The following CTNNA3 variants were observed in gnomAD, a reference collection of about 807,000 sequenced individuals.
CTNNA3 encodes the protein catenin alpha 3.
Under a neutral mutation model 95.7 loss-of-function variants are expected in CTNNA3, and 76 were observed. The observed-to-expected ratio is 0.79, with a 90% CI of 0.66 to 0.96. The LOEUF (loss-of-function observed/expected upper bound fraction) is 0.96. CTNNA3 is among the 40% of genes least tolerant of loss of function. The pLI is 0.00. For missense variants in CTNNA3, 1,191 were observed against 1,089.8 expected (o/e 1.09, Z -1.31); for synonymous variants, 431 against 374.4 (o/e 1.15, Z -1.74).
At position 67,602,333 on chromosome 10, in the gene CTNNA3, T is replaced by G. The variant is rs139183185; in HGVS notation, c.292+4524A>C. Among the ~76,000 whole-genome samples the G allele has an allele frequency of 3.1e-3, 472 of 152,334 alleles. 2 individuals are homozygous for G. Among genetic ancestry groups the G allele is most frequent in the Non-Finnish European group, 4.2e-3 (283 of 68,034 alleles). On this transcript the variant is annotated intron_variant, in intron 3 of 17. Coordinates refer to ENST00000433211, the MANE Select transcript of CTNNA3 (RefSeq NM_013266.4). ...ATTCCTTCCAAGCTTTTGGGAACAG[T>G]GCTTTCACTGTCACTATCCCTACTA...
intron 11 of CTNNA3, among the ~76,000 whole-genome samples, chr10:66,519,371 T>C (rs952597315): frequency 2.6e-5 from 4 of 152,196 alleles, no homozygotes; most frequent in African/African-American, 9.6e-5. Context: ...TGTTTAATTC[T>C]TTAGATTAGC....
intron 5 of CTNNA3, among the ~76,000 whole-genome samples, chr10:67,344,729 C>T (rs574947453): frequency 1.1e-3 from 163 of 151,846 alleles, no homozygotes; most frequent in Middle Eastern, 6.8e-3. Context: ...TTATTTGGAT[C>T]TTCTCTCCTT....
intron 12 of CTNNA3, among the ~76,000 whole-genome samples, chr10:66,339,563 G>A (rs1000515304): frequency 6.6e-6 from 1 of 151,696 alleles, no homozygotes; most frequent in Non-Finnish European, 1.5e-5. Flanking sequence ...GATTTTAAAA[G>A]CTCAGCCAGG....
chr10:67,403,708 C>T (rs991918378), intron 5 of CTNNA3, among the ~76,000 whole-genome samples: 42 of 152,258 alleles, frequency 2.8e-4, no homozygotes, highest in Admixed American at 1.3e-4. Context: ...TCTACAAAAA[C>T]GCAGGAAGGC....
intron 9 of CTNNA3, among the ~76,000 whole-genome samples, chr10:66,685,207 GTATA>G (rs33983880): frequency 1.7e-5 from 1 of 59,466 alleles, no homozygotes; most frequent in African/African-American, 1.3e-4. Flanking sequence ...ATATATATAC[GTATA>G]TATATGTGTA....
At chr10:67,113,278 T>C (rs1199246276) in intron 7 of CTNNA3, among the ~76,000 whole-genome samples, 1 of 152,192 alleles carries the variant, frequency 6.6e-6, no homozygotes, top group Admixed American at 6.5e-5. Flanking sequence ...ATCTTAACTT[T>C]AGGATGCTAA....
At chr10:66,015,174 G>A (rs1344037527) in intron 15 of CTNNA3, among the ~76,000 whole-genome samples, 1 of 151,884 alleles carries the variant, frequency 6.6e-6, no homozygotes, top group Non-Finnish European at 1.5e-5. Flanking sequence ...CTTTATTGGA[G>A]TTCAAAATGA....
intron 5 of CTNNA3, among the ~76,000 whole-genome samples, chr10:67,267,994 T>C: frequency 6.6e-6 from 1 of 152,128 alleles, no homozygotes; most frequent in Non-Finnish European, 1.5e-5. Context: ...GTTAAGCACA[T>C]AATAATTTGA....
chr10:66,965,009 C>T (rs1055095897), intron 7 of CTNNA3, among the ~76,000 whole-genome samples: 6 of 152,310 alleles, frequency 3.9e-5, no homozygotes, highest in African/African-American at 7.2e-5. Flanking sequence ...AAGATTGCCA[C>T]GTTCCACTCT....
At chr10:66,901,091 T>C (rs1447394562) in intron 7 of CTNNA3, among the ~76,000 whole-genome samples, 1 of 151,862 alleles carries the variant, frequency 6.6e-6, no homozygotes, top group African/African-American at 2.4e-5. Context: ...TTCACCAAGG[T>C]TGAAATAAAA....
intron 3 of CTNNA3, among the ~76,000 whole-genome samples, chr10:67,540,402 T>C (rs1178396912): frequency 2.0e-5 from 3 of 151,990 alleles, no homozygotes; most frequent in Admixed American, 2.0e-4. Flanking sequence ...TTCTTTTTAT[T>C]ATAAAAGTAC....
At position 66,782,210 on chromosome 10, in the gene CTNNA3, A is replaced by T. The variant is rs562677937; in HGVS notation, c.1048-6686T>A. On this transcript the variant is annotated intron_variant, in intron 7 of 17. Transcript: ENST00000433211. ...ATAAAATCTATATTACAAAGTTGTTATAAGGAATAAAAGGATAAAGGGTAT... is the reference window on the plus strand; with the variant it reads ...ATAAAATCTATATTACAAAGTTGTTTTAAGGAATAAAAGGATAAAGGGTAT... Among the ~76,000 whole-genome samples the T allele has an allele frequency of 5.3e-5, 8 of 152,264 alleles. No individual in the cohort carries two copies. In the East Asian group the frequency reaches 1.5e-3, roughly 29 times the overall value.
intron 10 of CTNNA3, among the ~76,000 whole-genome samples, chr10:66,552,603 TA>T (rs1181634710): frequency 6.6e-6 from 1 of 152,152 alleles, no homozygotes; most frequent in African/African-American, 2.4e-5. Context: ...ATGCCAAAAC[TA>T]AAACTGCTAT....
At chr10:67,663,609 AG>A (rs143471325) in intron 1 of CTNNA3, among the ~76,000 whole-genome samples, 20,062 of 152,076 alleles carry the variant, frequency 0.13, 1,422 homozygotes, top group Non-Finnish European at 0.16. Context: ...GCAGGACGTC[AG>A]AGGACTCGGA....
At chr10:66,734,229 T>A (rs34316680) in intron 9 of CTNNA3, among the ~76,000 whole-genome samples, 3,420 of 152,068 alleles carry the variant, frequency 0.022, 152 homozygotes, top group East Asian at 0.2. Flanking sequence ...TGGTTAATTT[T>A]CTTCTCTCTC....
chr10:66,736,280 G>T (rs1849137289), intron 9 of CTNNA3, among the ~76,000 whole-genome samples: 1 of 151,898 alleles, frequency 6.6e-6, no homozygotes, highest in African/African-American at 2.4e-5. Flanking sequence ...CCGCCTCCCG[G>T]GTTCAAGCAA....
intron 10 of CTNNA3, among the ~76,000 whole-genome samples, chr10:66,534,735 T>A (rs904332732): frequency 6.6e-6 from 1 of 150,594 alleles, no homozygotes; most frequent in African/African-American, 2.4e-5. Flanking sequence ...AATTATAGTA[T>A]TTACTGAATA....
At chr10:66,389,927 G>T (rs1230090141) in intron 11 of CTNNA3, among the ~76,000 whole-genome samples, 4 of 151,964 alleles carry the variant, frequency 2.6e-5, no homozygotes, top group Non-Finnish European at 5.9e-5. Flanking sequence ...ATAGAGACAG[G>T]GTCTTGCTAC....
intron 7 of CTNNA3, chr10:67,015,587 T>C (rs1852604777): frequency 6.6e-6 from 1 of 152,208 alleles, no homozygotes; most frequent in African/African-American, 2.4e-5. Context: ...TCTGGTTGAA[T>C]ATTTATCCTT....
Sources: gnomAD v4.1 joint callset for allele counts (sites outside exome capture counted in the v4.1 genomes callset) on GRCh38, gnomAD v4.1.1 for gene constraint, MANE v1.5 for transcripts, NCBI Gene and HGNC (gene_info 2026-07-23, HGNC 2026-07-21) for gene names.